The following BRIP1 variants were observed in gnomAD, a reference collection of about 807,000 sequenced individuals.
BRIP1 encodes the protein Fanconi anemia group J protein.
In BRIP1, 88 loss-of-function variants were observed where a neutral mutation model predicts 119.7. That is an observed-to-expected ratio of 0.74 (90% CI 0.62 to 0.88). BRIP1 has a LOEUF of 0.88. BRIP1 is among the 40% of genes least tolerant of loss of function. BRIP1 has a pLI of 0.00. For missense variants in BRIP1, 1,259 were observed against 1,455.4 expected (o/e 0.87, Z 2.20); for synonymous variants, 443 against 496.5 (o/e 0.89, Z 1.43).
At chr17:61,719,363 T>A (rs376962366) in intron 16 of BRIP1, among the ~76,000 whole-genome samples, 128 of 152,094 alleles carry the variant, frequency 8.4e-4, no homozygotes, top group African/African-American at 2.8e-3. Context: ...GGACACTACC[T>A]TAAGTGAAAT....
At position 61,857,036 on chromosome 17, in the gene BRIP1, A is replaced by T. The variant is rs2145825415; in HGVS notation, c.379+22T>A. 6.2e-7 allele frequency: 1 copy of T among 1,609,764 alleles called. No homozygotes were observed. Among genetic ancestry groups the T allele is most frequent in the Non-Finnish European group, 8.5e-7 (1 of 1,176,098 alleles). On this transcript the variant is annotated intron_variant, in intron 4 of 19. Coordinates refer to ENST00000259008, the MANE Select transcript of BRIP1 (RefSeq NM_032043.3). This position sits in a 1 kb window ranked among gnomAD's most constrained non-coding sequence, Gnocchi z 5.1. ...AGACTCTTATTACAGATATCAACTGACCCAGGCAAAATATAAATTACCTTG... is the reference window on the plus strand; with the variant it reads ...AGACTCTTATTACAGATATCAACTGTCCCAGGCAAAATATAAATTACCTTG...
chr17:61,686,663 C>T lies in BRIP1; in HGVS notation c.2576-498G>A, dbSNP rs2061369490. On this transcript the variant is annotated intron_variant, in intron 18 of 19. Coordinates refer to ENST00000259008, the MANE Select transcript of BRIP1 (RefSeq NM_032043.3). The surrounding 1 kb of genome is among the most constrained non-coding windows in gnomAD (Gnocchi z 5.4). ...AAATATATCTTAAATTAAAATTATTCTGGAGGTGAAATAAATAACACTGTC... is the reference window on the plus strand; with the variant it reads ...AAATATATCTTAAATTAAAATTATTTTGGAGGTGAAATAAATAACACTGTC... 6.6e-6 allele frequency among the ~76,000 whole-genome samples: 1 copy of T among 151,964 alleles called. No homozygotes were observed. The highest frequency in any genetic ancestry group is 6.6e-5 in the Admixed American group (1 of 15,258).
rs770289817 is a variant in BRIP1 at position 61,808,529 on chromosome 17, G to A, written c.856C>T (p.Pro286Ser). The A allele has an allele frequency of 7.4e-6, 12 of 1,613,610 alleles. No individual in the cohort carries two copies. The highest frequency in any genetic ancestry group is 8.5e-6 in the Non-Finnish European group (10 of 1,179,618). The change falls in exon 7 of 20, where the codon CCT (proline) becomes TCT (serine). Residue 286 changes from proline (P) to serine (S), a missense_variant. Transcript: ENST00000259008. This position sits in a 1 kb window ranked among gnomAD's most constrained non-coding sequence, Gnocchi z 4.1. ...LSSRDHTCVHPEVVGNFNRNE... is the reference protein window; with the variant it reads ...LSSRDHTCVHSEVVGNFNRNE... ...CTGTTGAAGTTACCGACTACCTCAG[G>A]ATGGACACAAGTATGATCCCTGCTG...
rs28903098 is a variant in BRIP1 at position 61,859,862 on chromosome 17, G to C, written c.139C>G (p.Pro47Ala). The C allele has an allele frequency of 3.6e-4, 573 of 1,613,850 alleles. 1 individual carries two copies. Among genetic ancestry groups the C allele is most frequent in the Non-Finnish European group, 4.6e-4 (538 of 1,179,826 alleles). ...GCTAAGCTTTTTCCACTTCCTGTGG[G>C]ACTCTCCAACAAACAATGTTGCTTG... ...NSKQHCLLES[P>A]TGSGKSLALL... Residue 47 changes from proline (P) to alanine (A), a missense_variant, in exon 3 of 20, where the codon CCC (proline) becomes GCC (alanine). Physicochemically the swap from Pro to Ala is conservative, Grantham distance 27. Around this residue, in one of 3 missense-constraint regions of BRIP1, gnomAD observed 501 missense variants for 544.0 expected, o/e 0.92. Transcript: ENST00000259008.
chr17:61,718,282 G>A (rs540375824), intron 16 of BRIP1, among the ~76,000 whole-genome samples: 1 of 152,250 alleles, frequency 6.6e-6, no homozygotes, highest in Non-Finnish European at 1.5e-5. Context: ...TCATTCTTTG[G>A]CAGCTTTGTT....
rs1468072136 is a variant in BRIP1, at chr17:61,778,067, C to T, written c.1936-1505G>A. Among the ~76,000 whole-genome samples, 1 of 151,964 alleles carries T rather than the reference C, an allele frequency of 6.6e-6. No individual in the cohort carries two copies. Among genetic ancestry groups the T allele is most frequent in the Admixed American group, 6.6e-5 (1 of 15,242 alleles). On this transcript the variant is annotated intron_variant, in intron 13 of 19. Transcript: ENST00000259008. This position sits in a 1 kb window ranked among gnomAD's most constrained non-coding sequence, Gnocchi z 4.4. ...TATGCCAGGAAATGGAGTGGAAGAC[C>T]AAATATATATATTATAAATCACAGG...
chr17:61,790,504 C>G (rs2145210264), intron 10 of BRIP1, among the ~76,000 whole-genome samples: 1 of 152,122 alleles, frequency 6.6e-6, no homozygotes, highest in Admixed American at 6.5e-5. Context: ...TGAGATCACG[C>G]CATTGCACTC....
At position 61,832,022 on chromosome 17, in the gene BRIP1, G is replaced by T. The variant is rs765476834; in HGVS notation, c.627+15079C>A. ...TATTCTCTAGCTGTCTGCTGAAAGG[G>T]CCTGGAGCAGCAACTCCAACAGCAA... is the stretch of plus-strand genomic sequence containing the variant. On this transcript the variant is annotated intron_variant, in intron 6 of 19. Coordinates refer to ENST00000259008, the MANE Select transcript of BRIP1 (RefSeq NM_032043.3). This position sits in a 1 kb window ranked among gnomAD's most constrained non-coding sequence, Gnocchi z 5.5. Among the ~76,000 whole-genome samples, 2 of 152,142 alleles carry T rather than the reference G, an allele frequency of 1.3e-5. No individual in the cohort carries two copies. The highest frequency in any genetic ancestry group is 2.9e-5 in the Non-Finnish European group (2 of 68,040).
At chr17:61,847,045 T>C in intron 6 of BRIP1, 56 bp downstream of exon 6, 12 of 1,606,668 alleles carry the variant, frequency 7.5e-6, no homozygotes, top group East Asian at 2.2e-5. Context: ...CAAAAATTGG[T>C]TTAGAAAATT....
chr17:61,827,920 A>AG lies in BRIP1; in HGVS notation c.628-19164dup, dbSNP rs1256922153. Among the ~76,000 whole-genome samples the AG allele has an allele frequency of 6.6e-6, 1 of 152,222 alleles. No individual in the cohort carries two copies. The highest frequency in any genetic ancestry group is 1.9e-4 in the East Asian group (1 of 5,202). On this transcript the variant is annotated intron_variant, in intron 6 of 19. Coordinates refer to ENST00000259008, the MANE Select transcript of BRIP1 (RefSeq NM_032043.3). This position sits in a 1 kb window ranked among gnomAD's most constrained non-coding sequence, Gnocchi z 5.8. ...ACAAAACAGATAATGAGGTTGGCAA[A>AG]GATGTGGAGAAACTGGAACCCCTGT...
chr17:61,716,824 A>G (rs2061881852), intron 16 of BRIP1, among the ~76,000 whole-genome samples: 1 of 150,916 alleles, frequency 6.6e-6, no homozygotes, highest in Non-Finnish European at 1.5e-5. Flanking sequence ...TATTATTTCC[A>G]CTACTGGATT....
In BRIP1 at chr17:61,722,971, A is replaced by C. The variant is rs2062006807; in HGVS notation, c.2380-6908T>G. Among the ~76,000 whole-genome samples, 2 of 152,212 alleles carry C rather than the reference A, an allele frequency of 1.3e-5. No individual in the cohort carries two copies. Among genetic ancestry groups the C allele is most frequent in the Admixed American group, 1.3e-4 (2 of 15,286 alleles). On this transcript the variant is annotated intron_variant, in intron 16 of 19. Transcript: ENST00000259008. The surrounding 1 kb of genome is among the most constrained non-coding windows in gnomAD (Gnocchi z 4.6). ...CTCCCAAACAAAAAACAAAACCCTG[A>C]AATGAACTGTATATAAAGGTTAACT...
chr17:61,838,307 G>A lies in BRIP1; in HGVS notation c.627+8794C>T, dbSNP rs540915904. ...TATCTCCTGACCTCGTGATCCGCCCGCCTCAGCCTCCCAAAGTGCTGGGAT... is the reference window on the plus strand; with the variant it reads ...TATCTCCTGACCTCGTGATCCGCCCACCTCAGCCTCCCAAAGTGCTGGGAT... On this transcript the variant is annotated intron_variant, in intron 6 of 19. Coordinates refer to ENST00000259008, the MANE Select transcript of BRIP1 (RefSeq NM_032043.3). 9.4e-4 allele frequency among the ~76,000 whole-genome samples: 143 copies of A among 152,016 alleles called. 2 individuals are homozygous for A. The highest frequency in any genetic ancestry group is 3.4e-3 in the African/African-American group (140 of 41,494).
rs1354168826 is a variant in BRIP1, at chr17:61,861,096, A to G, written c.93+351T>C. ...GGAAAGCTGGTTTACTCAAATTTGTATATTAATTTTCTACATGATCCAAAC... is the reference window on the plus strand; with the variant it reads ...GGAAAGCTGGTTTACTCAAATTTGTGTATTAATTTTCTACATGATCCAAAC... On this transcript the variant is annotated intron_variant, in intron 2 of 19. Coordinates refer to ENST00000259008, the MANE Select transcript of BRIP1 (RefSeq NM_032043.3). The surrounding 1 kb of genome is among the most constrained non-coding windows in gnomAD (Gnocchi z 4.5). Among the ~76,000 whole-genome samples, 1 of 152,240 alleles carries G rather than the reference A, an allele frequency of 6.6e-6. No homozygotes were observed. The highest frequency in any genetic ancestry group is 1.5e-5 in the Non-Finnish European group (1 of 68,030).
chr17:61,859,568 C>T (rs775275688), intron 3 of BRIP1, among the ~76,000 whole-genome samples: 13 of 152,110 alleles, frequency 8.5e-5, no homozygotes, highest in Non-Finnish European at 8.8e-5. Flanking sequence ...TATGTACTTT[C>T]CGACTCATCA....
At position 61,829,445 on chromosome 17, in the gene BRIP1, A is replaced by C. The variant is rs150863920; in HGVS notation, c.627+17656T>G. On this transcript the variant is annotated intron_variant, in intron 6 of 19. Transcript: ENST00000259008. Reference sequence around the variant, plus strand: ...GCAAAAACTGGTAGAATTGAAAGAAAAGGCAAATCCACAATTATAGGACCC... The same window carrying C: ...GCAAAAACTGGTAGAATTGAAAGAACAGGCAAATCCACAATTATAGGACCC... Among the ~76,000 whole-genome samples the C allele has an allele frequency of 3.3e-5, 5 of 152,204 alleles. No homozygotes were observed. The East Asian group carries it at 9.6e-4, about 29-fold the overall frequency.
At chr17:61,721,536 T>C (rs2061975865) in intron 16 of BRIP1, among the ~76,000 whole-genome samples, 1 of 152,094 alleles carries the variant, frequency 6.6e-6, no homozygotes, top group African/African-American at 2.4e-5. Flanking sequence ...CCCAAAGTGC[T>C]GGGATTACGG....
At position 61,716,035 on chromosome 17, in the gene BRIP1, T is replaced by G. The variant is rs1386234504; in HGVS notation, c.2408A>C (p.His803Pro). The part of the protein sequence containing the change: ...QVELKRQYND[H>P]HSKLRGLLPG... ...TAGAAGACCTCTCAATTTTGAATGG[T>G]GGTCATTGTATTGTCGTTTTAGTTC... The change falls in exon 17 of 20, where the codon CAC (histidine) becomes CCC (proline). Residue 803 changes from histidine to proline, a missense_variant. Physicochemically the swap from His to Pro is moderately conservative, Grantham distance 77. This residue lies in a region of BRIP1 where 753 missense variants were observed against 891.8 expected (regional missense o/e 0.84). Coordinates refer to ENST00000259008, the MANE Select transcript of BRIP1 (RefSeq NM_032043.3). The G allele has an allele frequency of 6.2e-7, 1 of 1,606,392 alleles. No individual in the cohort carries two copies. Among genetic ancestry groups the G allele is most frequent in the East Asian group, 2.2e-5 (1 of 44,540 alleles).
In BRIP1 at chr17:61,706,442, C is replaced by T. The variant is rs1397489787; in HGVS notation, c.2492+9509G>A. Among the ~76,000 whole-genome samples the T allele has an allele frequency of 5.9e-5, 9 of 152,068 alleles. No individual in the cohort carries two copies. Among genetic ancestry groups the T allele is most frequent in the East Asian group, 1.9e-4 (1 of 5,198 alleles). The stretch of plus-strand genomic sequence containing the variant: ...AATTTTAACTTTTATCAAAGAAACA[C>T]GAACACATAGTTTTATGTTTTCAAT... On this transcript the variant is annotated intron_variant, in intron 17 of 19. Transcript: ENST00000259008. This position sits in a 1 kb window ranked among gnomAD's most constrained non-coding sequence, Gnocchi z 5.7.
Sources: allele counts gnomAD v4.1 joint callset (sites outside exome capture counted in the v4.1 genomes callset), GRCh38; gene constraint gnomAD v4.1.1; regional missense constraint gnomAD v4.1.1; non-coding constraint Gnocchi (gnomAD v3.1); transcripts MANE v1.5; gene names NCBI Gene and HGNC (gene_info 2026-07-23, HGNC 2026-07-21).